Variants in MAF observed in about 807,000 individuals in gnomAD.
MAF encodes the protein MAF bZIP transcription factor.
A neutral mutation model predicts 22.0 loss-of-function variants in MAF; 10 were observed. The ratio of observed to expected loss-of-function variants is 0.45; its 90% CI spans 0.28 to 0.77. The LOEUF is 0.77. MAF is among the 30% of genes least tolerant of loss of function. The pLI, the probability that MAF is intolerant of heterozygous loss-of-function variation, is 0.12. For synonymous variants in MAF, 337 were observed against 255.8 expected, an observed-to-expected ratio of 1.32 and a Z score of -3.03; for missense variants, 544 against 548.4, an observed-to-expected ratio of 0.99 and a Z score of 0.08.
the MAF span, among the ~76,000 whole-genome samples, chr16:79,418,030 A>C: frequency 2.0e-5 from 3 of 152,076 alleles, no homozygotes; most frequent in African/African-American, 7.2e-5. Context: ...CAGATAATCA[A>C]ATTGTTGAAC....
the MAF span, among the ~76,000 whole-genome samples, chr16:79,231,645 A>C: frequency 3.9e-5 from 6 of 152,186 alleles, no homozygotes; most frequent in Non-Finnish European, 8.8e-5. Context: ...GCAGGAAAGA[A>C]TTACAAAGGT....
the MAF span, among the ~76,000 whole-genome samples, chr16:79,332,731 G>C: frequency 6.6e-6 from 1 of 152,226 alleles, no homozygotes; most frequent in East Asian, 1.9e-4. Context: ...CTTTGATGGA[G>C]GAGTAAACTG....
chr16:79,498,471 T>C, the MAF span, among the ~76,000 whole-genome samples: 1 of 152,202 alleles, frequency 6.6e-6, no homozygotes, highest in Non-Finnish European at 1.5e-5. Flanking sequence ...TTGTCAGCAA[T>C]GGGAAAACAG....
chr16:79,401,054 G>C, the MAF span, among the ~76,000 whole-genome samples: 1 of 152,170 alleles, frequency 6.6e-6, no homozygotes, highest in East Asian at 1.9e-4. Context: ...ACTTCACCAG[G>C]AAGTGGTGAG....
chr16:79,360,760 A>G, the MAF span, among the ~76,000 whole-genome samples: 3 of 152,168 alleles, frequency 2.0e-5, no homozygotes, highest in African/African-American at 7.2e-5. Flanking sequence ...GGCAAGATCC[A>G]CTGCAAGAAG....
chr16:79,225,812 A>G, the MAF span, among the ~76,000 whole-genome samples: 2 of 152,246 alleles, frequency 1.3e-5, no homozygotes, highest in Admixed American at 6.5e-5. Flanking sequence ...AGAAATGCAA[A>G]TCACAAACAC....
chr16:79,395,409 A>C, the MAF span, among the ~76,000 whole-genome samples: 1 of 152,226 alleles, frequency 6.6e-6, no homozygotes, highest in Non-Finnish European at 1.5e-5. Flanking sequence ...CCAGAACCTC[A>C]GAATATAAGC....
At chr16:79,250,232 A>G in the MAF span, among the ~76,000 whole-genome samples, 1 of 152,218 alleles carries the variant, frequency 6.6e-6, no homozygotes, top group Non-Finnish European at 1.5e-5. Context: ...GGCACTTTGA[A>G]CAAATATTTC....
At chr16:79,578,726 C>T in the MAF span, among the ~76,000 whole-genome samples, 2 of 152,184 alleles carry the variant, frequency 1.3e-5, no homozygotes, top group Admixed American at 1.3e-4. Context: ...ATAAATTTCA[C>T]TTGCTATTAA....
At chr16:79,554,989 T>A in the MAF span, among the ~76,000 whole-genome samples, 6 of 152,174 alleles carry the variant, frequency 3.9e-5, no homozygotes, top group Admixed American at 2.6e-4. Context: ...GTGAGTGAGT[T>A]CAGTCTGGTG....
chr16:79,461,171 T>G, the MAF span, among the ~76,000 whole-genome samples: 1 of 152,246 alleles, frequency 6.6e-6, no homozygotes, highest in African/African-American at 2.4e-5. Flanking sequence ...ATGTCATTCA[T>G]CACTTTTTGA....
chr16:79,402,663 G>A, the MAF span, among the ~76,000 whole-genome samples: 1 of 152,242 alleles, frequency 6.6e-6, no homozygotes, highest in African/African-American at 2.4e-5. Flanking sequence ...GGTGCGGTTG[G>A]ATAAAGGCCA....
At chr16:79,441,986 T>A in the MAF span, among the ~76,000 whole-genome samples, 1 of 152,216 alleles carries the variant, frequency 6.6e-6, no homozygotes, top group East Asian at 1.9e-4. Context: ...TAGGCAGGGC[T>A]TGGAGGGCAG....
chr16:79,251,697 A>C, the MAF span, among the ~76,000 whole-genome samples: 1 of 152,334 alleles, frequency 6.6e-6, no homozygotes, highest in South Asian at 2.1e-4. Flanking sequence ...TCAGGCTCAA[A>C]GCCGTCCCTC....
At chr16:79,519,635 C>T in the MAF span, among the ~76,000 whole-genome samples, 17 of 152,292 alleles carry the variant, frequency 1.1e-4, no homozygotes, top group Non-Finnish European at 2.2e-4. Context: ...GACTGTAGCC[C>T]GGGTGGCCTG....
In MAF at chr16:79,593,909, T is replaced by C. The variant is rs1597840742; in HGVS notation, c.*551A>G. On this transcript the variant is annotated 3_prime_UTR_variant, in exon 2 of 2. Coordinates refer to ENST00000326043, the MANE Select transcript of MAF (RefSeq NM_005360.5). ...AGCTATGTCTGACAAATGAGCACGT[T>C]TGACATCACTGATAAATGCAACACC... The C allele has an allele frequency of 5.1e-6, 1 of 195,322 alleles. No individual in the cohort carries two copies. Among genetic ancestry groups the C allele is most frequent in the Non-Finnish European group, 1.1e-5 (1 of 93,992 alleles). The allele number at this position is 195,322 out of a possible 1,614,324, so 12.1% of individuals were successfully genotyped here.
chr16:79,301,096 G>A, the MAF span, among the ~76,000 whole-genome samples: 13 of 152,194 alleles, frequency 8.5e-5, no homozygotes, highest in Admixed American at 1.3e-4. Context: ...ACAAAGAGCC[G>A]TCCAGGTAGG....
At chr16:79,574,603 AC>A in the MAF span, among the ~76,000 whole-genome samples, 3 of 152,004 alleles carry the variant, frequency 2.0e-5, no homozygotes, top group African/African-American at 7.3e-5. Flanking sequence ...AGCTCAATTG[AC>A]CCATTTTCCA....
chr16:79,505,099 T>C, the MAF span, among the ~76,000 whole-genome samples: 5,979 of 152,254 alleles, frequency 0.039, 380 homozygotes, highest in African/African-American at 0.13. Flanking sequence ...ACACAGATCT[T>C]ACCTACAAGG....
Sources: allele counts gnomAD v4.1 joint callset (sites outside exome capture counted in the v4.1 genomes callset), GRCh38; gene constraint gnomAD v4.1.1; transcripts MANE v1.5; gene names NCBI Gene and HGNC (gene_info 2026-07-23, HGNC 2026-07-21).